RASGEF1A: variants seen among roughly 807,000 people sequenced by gnomAD.
The protein encoded by RASGEF1A is ras-GEF domain-containing family member 1A.
In RASGEF1A, 18 loss-of-function variants were observed where a neutral mutation model predicts 56.4. The ratio of observed to expected loss-of-function variants is 0.32; its 90% CI spans 0.22 to 0.47. The LOEUF (loss-of-function observed/expected upper bound fraction) is 0.47. Ranked by LOEUF, RASGEF1A falls within the 20% of genes least tolerant of loss-of-function variation. The probability of loss-of-function intolerance (pLI) is 1.00; values close to 1 mark genes in which losing one functional copy is unlikely to be tolerated. For synonymous variants in RASGEF1A, 245 were observed against 242.6 expected (o/e 1.01, Z -0.09); for missense variants, 422 against 627.1 (o/e 0.67, Z 3.49).
At chr10:43,200,083 C>T in intron 6 of RASGEF1A, 99 bp downstream of exon 6, 1 of 986,466 alleles carries the variant, frequency 1.0e-6, no homozygotes, top group South Asian at 1.5e-5. Context: ...TCCGGAGACG[C>T]TCGGGGCGTG....
chr10:43,255,540 G>C (rs1012916968), intron 1 of RASGEF1A, among the ~76,000 whole-genome samples: 2 of 152,226 alleles, frequency 1.3e-5, no homozygotes, highest in Non-Finnish European at 2.9e-5. Flanking sequence ...CCTGCACCTG[G>C]AGCAGGACAG....
intron 10 of RASGEF1A, 71 bp from the exon 11 acceptor site, chr10:43,197,170 C>A (rs930286712): frequency 6.4e-7 from 1 of 1,561,214 alleles, no homozygotes; most frequent in East Asian, 2.3e-5. Context: ...GGGCAGGGGA[C>A]GTAGGTTTTG....
intron 1 of RASGEF1A, among the ~76,000 whole-genome samples, chr10:43,242,133 A>G (rs779951862): frequency 4.6e-5 from 7 of 152,202 alleles, no homozygotes; most frequent in Non-Finnish European, 1.0e-4. Flanking sequence ...ACGAGACTCC[A>G]TCTCAAAAAA....
intron 1 of RASGEF1A, among the ~76,000 whole-genome samples, chr10:43,256,825 T>G (rs1349445414): frequency 6.6e-6 from 1 of 152,188 alleles, no homozygotes; most frequent in Admixed American, 6.5e-5. Flanking sequence ...TGCCATTCCC[T>G]GGTTGCCGGC....
chr10:43,226,159 G>C (rs1183740826), intron 1 of RASGEF1A, among the ~76,000 whole-genome samples: 7 of 152,224 alleles, frequency 4.6e-5, no homozygotes, highest in Non-Finnish European at 8.8e-5. Flanking sequence ...AAGAAACAGA[G>C]GGCCAGGTTC....
At chr10:43,257,670 G>A (rs531292068) in intron 1 of RASGEF1A, among the ~76,000 whole-genome samples, 44 of 152,334 alleles carry the variant, frequency 2.9e-4, no homozygotes, top group African/African-American at 9.1e-4. Flanking sequence ...TCCCGTCAGC[G>A]GTGCCCTCCC....
intron 7 of RASGEF1A, 142 bp downstream of exon 7, chr10:43,199,534 G>A: frequency 1.4e-6 from 1 of 695,220 alleles, no homozygotes; most frequent in African/African-American, 1.7e-5. Flanking sequence ...CGGGGTTGGG[G>A]GACCACCAAG....
At position 43,200,054 on chromosome 10, in the gene RASGEF1A, G is replaced by C. The variant is rs1039489243; in HGVS notation, c.756+128C>G. 40 of 748,814 alleles carry C rather than the reference G, an allele frequency of 5.3e-5. No homozygotes were observed. In the South Asian group the frequency reaches 6.6e-4, roughly 12 times the overall value. The allele number at this position is 748,814 out of a possible 1,614,324, so 46.4% of individuals were successfully genotyped here. A position where few individuals can be genotyped will look rare whatever the true frequency, so the allele number is the denominator to read the frequency against. Reference sequence around the variant, plus strand: ...TAGGAGGTCCAGTGCCACATCCATCGGGGCTCATGGCCCAGCACTCCGGAG... The same window carrying C: ...TAGGAGGTCCAGTGCCACATCCATCCGGGCTCATGGCCCAGCACTCCGGAG... On this transcript the variant is annotated intron_variant, in intron 6 of 12. Transcript: ENST00000395810.
chr10:43,249,556 C>G (rs964209811), intron 1 of RASGEF1A, among the ~76,000 whole-genome samples: 1 of 152,242 alleles, frequency 6.6e-6, no homozygotes, highest in African/African-American at 2.4e-5. Flanking sequence ...TCTGCTCCCC[C>G]AGGCACACAG....
intron 1 of RASGEF1A, among the ~76,000 whole-genome samples, chr10:43,219,355 G>A (rs1840177479): frequency 1.3e-5 from 2 of 152,198 alleles, no homozygotes; most frequent in South Asian, 4.1e-4. Context: ...TCCTTTCCAG[G>A]GAGACCCCTA....
chr10:43,223,429 C>T (rs1201888178), intron 1 of RASGEF1A, among the ~76,000 whole-genome samples: 1 of 152,104 alleles, frequency 6.6e-6, no homozygotes, highest in Non-Finnish European at 1.5e-5. Context: ...TTACAGATGT[C>T]AGAAAAATAA....
intron 1 of RASGEF1A, among the ~76,000 whole-genome samples, chr10:43,265,423 A>G (rs1453784872): frequency 1.3e-5 from 2 of 152,200 alleles, no homozygotes; most frequent in Non-Finnish European, 2.9e-5. Flanking sequence ...CCTTCTCAGG[A>G]GCAGGGAGTG....
chr10:43,257,603 G>A (rs1836445264), intron 1 of RASGEF1A, among the ~76,000 whole-genome samples: 4 of 152,134 alleles, frequency 2.6e-5, no homozygotes, highest in Non-Finnish European at 4.4e-5. Flanking sequence ...CGCTTCCCCC[G>A]GGCCTCCCCA....
Position 43,253,179 on chromosome 10 carries a change from A to C in RASGEF1A, c.-7+13666T>G, listed in dbSNP as rs1275466993. Among the ~76,000 whole-genome samples the C allele has an allele frequency of 2.6e-5, 4 of 152,060 alleles. No homozygotes were observed. In the South Asian group the frequency reaches 6.2e-4, roughly 24 times the overall value. On this transcript the variant is annotated intron_variant, in intron 1 of 12. Coordinates refer to ENST00000395810, the MANE Select transcript of RASGEF1A (RefSeq NM_145313.4). Reference sequence around the variant, plus strand: ...GGCCTGGCCAGGTCCAGCCTTCCTGACACCCACCCCACACCCCCCACCACC... The same window carrying C: ...GGCCTGGCCAGGTCCAGCCTTCCTGCCACCCACCCCACACCCCCCACCACC...
intron 1 of RASGEF1A, among the ~76,000 whole-genome samples, chr10:43,265,187 C>T (rs1223577937): frequency 3.9e-5 from 6 of 152,246 alleles, no homozygotes; most frequent in African/African-American, 1.4e-4. Flanking sequence ...CCAAAAAACC[C>T]CTCTGCTCTG....
intron 1 of RASGEF1A, among the ~76,000 whole-genome samples, chr10:43,224,690 T>C (rs1282599212): frequency 3.3e-5 from 5 of 152,164 alleles, no homozygotes; most frequent in Middle Eastern, 3.2e-3. Context: ...AAAATGAAGA[T>C]CAAGCCAAAG....
At position 43,200,752 on chromosome 10, in the gene RASGEF1A, G is replaced by T. The variant is rs144394346; in HGVS notation, c.596C>A (p.Thr199Asn). Residue 199 changes from threonine (T) to asparagine (N), a missense_variant, in exon 5 of 13, where the codon ACC becomes AAC. This residue lies in a region of RASGEF1A where 273 missense variants were observed against 339.9 expected (regional missense o/e 0.80). Coordinates refer to ENST00000395810, the MANE Select transcript of RASGEF1A (RefSeq NM_145313.4). ...PAVDKGPILK[T>N]KPPAAQKDIL... ...GTCCTTCTGGGCGGCTGGTGGCTTGGTCTTGAGGATGGGCCCCTTGTCTAC... is the reference window on the plus strand; with the variant it reads ...GTCCTTCTGGGCGGCTGGTGGCTTGTTCTTGAGGATGGGCCCCTTGTCTAC... 1.3e-5 allele frequency: 21 copies of T among 1,613,790 alleles called. 2 individuals carry two copies. In the Admixed American group the frequency reaches 1.8e-4, roughly 14 times the overall value.
intron 1 of RASGEF1A, among the ~76,000 whole-genome samples, chr10:43,242,423 G>C (rs545945614): frequency 1.3e-5 from 2 of 152,106 alleles, no homozygotes; most frequent in Non-Finnish European, 2.9e-5. Flanking sequence ...AAATAGTTGG[G>C]GAATTCAATA....
intron 1 of RASGEF1A, chr10:43,207,351 A>C: frequency 1.0e-6 from 1 of 987,474 alleles, no homozygotes; most frequent in South Asian, 4.7e-5. Flanking sequence ...TAGGGGCCTT[A>C]CAAGGAGAGA....
Sources: gnomAD v4.1 joint callset for allele counts (sites outside exome capture counted in the v4.1 genomes callset) on GRCh38, gnomAD v4.1.1 for gene constraint, gnomAD v4.1.1 regional missense constraint, MANE v1.5 for transcripts, NCBI Gene and HGNC (gene_info 2026-07-23, HGNC 2026-07-21) for gene names.